The following SLC9A4 variants were observed in gnomAD, a reference collection of about 807,000 sequenced individuals.
The protein encoded by SLC9A4 is sodium/hydrogen exchanger 4.
In SLC9A4, 63 loss-of-function variants were observed where a neutral mutation model predicts 67.4. The ratio of observed to expected loss-of-function variants is 0.93; its 90% CI spans 0.76 to 1.15. The LOEUF is 1.15. Among genes scored for constraint, SLC9A4 ranks in the 50% most tolerant of loss-of-function variants. SLC9A4 has a pLI of 0.00. For missense variants in SLC9A4, 1,089 were observed against 987.7 expected, an observed-to-expected ratio of 1.10 and a Z score of -1.38; for synonymous variants, 393 against 367.2, an observed-to-expected ratio of 1.07 and a Z score of -0.80.
At chr2:102,530,697 A>G (rs1403361339) in intron 11 of SLC9A4, among the ~76,000 whole-genome samples, 1 of 152,202 alleles carries the variant, frequency 6.6e-6, no homozygotes, top group African/African-American at 2.4e-5. Context: ...TAGTGCTTCA[A>G]GCACCAAGGA....
chr2:102,495,507 C>T (rs776112831), intron 2 of SLC9A4, among the ~76,000 whole-genome samples: 1 of 151,650 alleles, frequency 6.6e-6, no homozygotes, highest in Non-Finnish European at 1.5e-5. Flanking sequence ...ACTGACAAAG[C>T]TGATTCTAAA....
chr2:102,486,329 G>A (rs1227631690), intron 2 of SLC9A4, among the ~76,000 whole-genome samples: 1 of 152,150 alleles, frequency 6.6e-6, no homozygotes, highest in Non-Finnish European at 1.5e-5. Context: ...GTGGCACAGA[G>A]TGAGCCCCTG....
At position 102,514,336 on chromosome 2, in the gene SLC9A4, G is replaced by A. The variant is rs371685381; in HGVS notation, c.1721+85G>A. 304 of 798,248 alleles carry A rather than the reference G, an allele frequency of 3.8e-4. 1 individual carries two copies. The African/African-American group carries it at 4.7e-3, about 12-fold the overall frequency. The allele number at this position is 798,248 out of a possible 1,614,324, so 49.4% of individuals were successfully genotyped here. A position where few individuals can be genotyped will look rare whatever the true frequency, so the allele number is the denominator to read the frequency against. On this transcript the variant is annotated intron_variant, in intron 8 of 11. Coordinates refer to ENST00000295269, the MANE Select transcript of SLC9A4 (RefSeq NM_001011552.4). Reference sequence around the variant, plus strand: ...CTCATTGCCTCATTTAAAGGTATACGAGGAGTAAAGAGGCAGAAATATAAA... The same window carrying A: ...CTCATTGCCTCATTTAAAGGTATACAAGGAGTAAAGAGGCAGAAATATAAA...
intron 8 of SLC9A4, among the ~76,000 whole-genome samples, chr2:102,515,571 A>C (rs1685260299): frequency 6.6e-6 from 1 of 151,732 alleles, no homozygotes; most frequent in Admixed American, 6.6e-5. Flanking sequence ...ACAGATATAT[A>C]CTGGCAGTGC....
intron 6 of SLC9A4, among the ~76,000 whole-genome samples, chr2:102,510,843 A>G (rs1165823493): frequency 3.3e-5 from 5 of 152,338 alleles, no homozygotes; most frequent in South Asian, 2.1e-4. Context: ...GACACTGGGC[A>G]TGGTTTCTAT....
intron 11 of SLC9A4, among the ~76,000 whole-genome samples, chr2:102,531,420 G>A (rs992836354): frequency 2.0e-5 from 3 of 152,134 alleles, no homozygotes; most frequent in Non-Finnish European, 2.9e-5. Context: ...GAATCCAAGA[G>A]GGGACATTGC....
rs562164795 is a variant in SLC9A4, at chr2:102,514,161, T to G, written c.1631T>G (p.Val544Gly). The change falls in exon 8 of 12, where the codon GTT becomes GGT. Residue 544 changes from valine to glycine, a missense_variant. Transcript: ENST00000295269. ...AAGAACCTACCCAAATCAAGCATTG[T>G]TTCTTTGTACAAGAAGCTGGAAATG... ...IRKNLPKSSI[V>G]SLYKKLEMKQ... is the part of the protein sequence containing the mutation. The G allele has an allele frequency of 2.5e-6, 4 of 1,614,154 alleles. No homozygotes were observed. Among genetic ancestry groups the G allele is most frequent in the Non-Finnish European group, 3.4e-6 (4 of 1,180,024 alleles).
intron 2 of SLC9A4, among the ~76,000 whole-genome samples, chr2:102,483,364 G>A (rs1220151470): frequency 6.6e-6 from 1 of 152,166 alleles, no homozygotes; most frequent in Non-Finnish European, 1.5e-5. Context: ...TTTGAGCTAA[G>A]GGCCTTGACC....
At chr2:102,477,223 C>A (rs1489789523) in intron 1 of SLC9A4, among the ~76,000 whole-genome samples, 1 of 152,214 alleles carries the variant, frequency 6.6e-6, no homozygotes, top group African/African-American at 2.4e-5. Flanking sequence ...AAAGGTTGCT[C>A]CAGCCAGGTG....
intron 2 of SLC9A4, among the ~76,000 whole-genome samples, chr2:102,493,417 T>C (rs973516747): frequency 6.6e-6 from 1 of 151,920 alleles, no homozygotes; most frequent in African/African-American, 2.4e-5. Context: ...CTCACAATTA[T>C]GGCAGAAGGC....
At position 102,508,947 on chromosome 2, in the gene SLC9A4, T is replaced by C; in HGVS notation, c.1488+14T>C. 1 of 1,585,486 alleles carries C rather than the reference T, an allele frequency of 6.3e-7. No individual in the cohort carries two copies. Among genetic ancestry groups the C allele is most frequent in the Non-Finnish European group, 8.6e-7 (1 of 1,159,944 alleles). On this transcript the variant is annotated intron_variant, in intron 6 of 11. Coordinates refer to ENST00000295269, the MANE Select transcript of SLC9A4 (RefSeq NM_001011552.4). ...CTTCATATTCGTGTAAGTTATCTCATAGTCACAATTAATAAATTAACAAGA... is the reference window on the plus strand; with the variant it reads ...CTTCATATTCGTGTAAGTTATCTCACAGTCACAATTAATAAATTAACAAGA...
chr2:102,478,106 G>A (rs1684370975), intron 1 of SLC9A4, among the ~76,000 whole-genome samples: 1 of 152,212 alleles, frequency 6.6e-6, no homozygotes, highest in African/African-American at 2.4e-5. Flanking sequence ...GAGACAATCA[G>A]AGACCCATGG....
chr2:102,521,613 AT>A (rs1214092408), intron 9 of SLC9A4, among the ~76,000 whole-genome samples: 1 of 152,200 alleles, frequency 6.6e-6, no homozygotes, highest in East Asian at 1.9e-4. Context: ...GGTCATAAGA[AT>A]TCTCTCTTCC....
At chr2:102,509,584 A>G (rs907673146) in intron 6 of SLC9A4, among the ~76,000 whole-genome samples, 10 of 152,192 alleles carry the variant, frequency 6.6e-5, no homozygotes, top group African/African-American at 2.4e-4. Context: ...TTCTATCCCA[A>G]TACCCCAAAA....
At position 102,532,380 on chromosome 2, in the gene SLC9A4, T is replaced by G; in HGVS notation, c.2089T>G (p.Ser697Ala). ...CCCATCCATCACGTTCAGCGCATGC[T>G]CTCGGATAGGGTCACTTCAGAAGCA... The part of the protein sequence containing the change: ...GSPSITFSAC[S>A]RIGSLQKQEA... The change falls in exon 12 of 12, where the codon TCT (serine) becomes GCT (alanine). Residue 697 changes from serine to alanine, a missense_variant. Ser to Ala is a moderately conservative substitution (Grantham distance 99). Coordinates refer to ENST00000295269, the MANE Select transcript of SLC9A4 (RefSeq NM_001011552.4). The G allele has an allele frequency of 6.2e-7, 1 of 1,614,120 alleles. No individual in the cohort carries two copies. The highest frequency in any genetic ancestry group is 8.5e-7 in the Non-Finnish European group (1 of 1,180,020).
intron 2 of SLC9A4, among the ~76,000 whole-genome samples, chr2:102,488,105 T>C (rs946967134): frequency 6.6e-6 from 1 of 152,144 alleles, no homozygotes; most frequent in African/African-American, 2.4e-5. Context: ...AATTCCTGAC[T>C]TGAGAGAAAA....
intron 7 of SLC9A4, 80 bp downstream of exon 7, chr2:102,512,353 C>G: frequency 1.3e-6 from 2 of 1,501,074 alleles, no homozygotes; most frequent in Non-Finnish European, 1.8e-6. Context: ...AGAGAGAATT[C>G]AGGGAATGGA....
chr2:102,530,105 G>T (rs535166543), intron 11 of SLC9A4, among the ~76,000 whole-genome samples: 1 of 152,152 alleles, frequency 6.6e-6, no homozygotes, highest in Non-Finnish European at 1.5e-5. Flanking sequence ...TTTATGTTAC[G>T]TATATTTTAC....
At chr2:102,526,487 A>G in intron 11 of SLC9A4, 141 bp downstream of exon 11, 1 of 676,454 alleles carries the variant, frequency 1.5e-6, no homozygotes, top group East Asian at 3.0e-5. Context: ...AACTTCTTTT[A>G]TAGTTGAAAC....
Sources: gnomAD v4.1 joint callset for allele counts (sites outside exome capture counted in the v4.1 genomes callset) on GRCh38, gnomAD v4.1.1 for gene constraint, MANE v1.5 for transcripts, NCBI Gene and HGNC (gene_info 2026-07-23, HGNC 2026-07-21) for gene names.